The following UROC1 variants were observed in gnomAD, a reference collection of about 807,000 sequenced individuals.
UROC1 encodes the protein urocanate hydratase 1.
UROC1 carries 79 observed loss-of-function variants against 89.5 expected under a neutral mutation model. The observed-to-expected ratio is 0.88, with a 90% confidence interval of 0.74 to 1.06. The LOEUF is 1.06. Ranked by LOEUF, UROC1 falls within the 50% of genes least tolerant of loss-of-function variation. The pLI, the probability that UROC1 is intolerant of heterozygous loss-of-function variation, is 0.00. For missense variants in UROC1, 885 were observed against 907.8 expected (o/e 0.97, Z 0.32); for synonymous variants, 361 against 354.8 (o/e 1.02, Z -0.20).
chr3:126,488,055 C>T (rs1162068446), intron 18 of UROC1, 143 bp downstream of exon 18: 2 of 915,770 alleles, frequency 2.2e-6, no homozygotes, highest in Non-Finnish European at 3.6e-6. Context: ...ACGCAAGGAA[C>T]ACATTTTCCA....
intron 9 of UROC1, among the ~76,000 whole-genome samples, chr3:126,502,183 G>C (rs1326443348): frequency 6.6e-6 from 1 of 152,028 alleles, no homozygotes; most frequent in Non-Finnish European, 1.5e-5. Flanking sequence ...GGGCATGTGC[G>C]TGTGTGTGTT....
Position 126,498,147 on chromosome 3 carries a change from G to T in UROC1, c.1342C>A (p.Pro448Thr), listed in dbSNP as rs748121358. 6.9e-5 allele frequency: 111 copies of T among 1,614,094 alleles called. No individual in the cohort carries two copies. Among genetic ancestry groups the T allele is most frequent in the Non-Finnish European group, 9.3e-5 (110 of 1,180,042 alleles). The change falls in exon 14 of 20, where the codon CCT (proline) becomes ACT (threonine). Residue 448 changes from proline to threonine, a missense_variant. Physicochemically the swap from Pro to Thr is conservative, Grantham distance 38 (BLOSUM62 -1). Transcript: ENST00000290868. ...CCCGATGTGCACACCCAGCGGAAAGGCCCAAATCCCTGGGAGAATATGTCC... is the reference window on the plus strand; with the variant it reads ...CCCGATGTGCACACCCAGCGGAAAGTCCCAAATCCCTGGGAGAATATGTCC... ...MGDIFSQGFGPFRWVCTSGDP... is the reference protein window; with the variant it reads ...MGDIFSQGFGTFRWVCTSGDP...
intron 6 of UROC1, among the ~76,000 whole-genome samples, chr3:126,507,460 G>A (rs1231060934): frequency 6.6e-6 from 1 of 152,084 alleles, no homozygotes; most frequent in African/African-American, 2.4e-5. Flanking sequence ...AAATTCGGTG[G>A]TATTCACTGT....
rs146718257 is a variant in UROC1 at position 126,488,635 on chromosome 3, G to A, written c.1709-356C>T. Among the ~76,000 whole-genome samples, 347 of 152,344 alleles carry A rather than the reference G, an allele frequency of 2.3e-3. 1 individual carries two copies. The highest frequency in any genetic ancestry group is 6.4e-3 in the African/African-American group (265 of 41,586). The stretch of plus-strand genomic sequence containing the variant: ...GTCACTCATATTCTTAAAAAGGGGG[G>A]CAGAGGAGCAAACTGCAAATAATAG... On this transcript the variant is annotated intron_variant, in intron 17 of 19. Coordinates refer to ENST00000290868, the MANE Select transcript of UROC1 (RefSeq NM_144639.3).
chr3:126,496,230 G>A (rs1336977539), intron 14 of UROC1, 122 bp from the exon 15 acceptor site: 7 of 974,974 alleles, frequency 7.2e-6, no homozygotes, highest in Non-Finnish European at 1.1e-5. Flanking sequence ...GACACAAGGT[G>A]AGGGAGCCCA....
rs1297724011 is a variant in UROC1 at position 126,509,709 on chromosome 3, C to G, written c.258-31G>C. The G allele has an allele frequency of 1.7e-5, 26 of 1,544,586 alleles. No individual in the cohort carries two copies. In the South Asian group the frequency reaches 2.9e-4, roughly 17 times the overall value. On this transcript the variant is annotated intron_variant, in intron 2 of 19. Coordinates refer to ENST00000290868, the MANE Select transcript of UROC1 (RefSeq NM_144639.3). ...AGGGAAAGCCCAACCACCAGGCTGC[C>G]CTTCCCGCCAAAGCACAGCATCTAG...
At chr3:126,487,583 C>T (rs1198568471) in intron 18 of UROC1, among the ~76,000 whole-genome samples, 2 of 152,190 alleles carry the variant, frequency 1.3e-5, no homozygotes, top group African/African-American at 4.8e-5. Flanking sequence ...TGGAGCCAGG[C>T]AGGGGGCGTT....
intron 9 of UROC1, among the ~76,000 whole-genome samples, chr3:126,502,419 G>A (rs1443208993): frequency 6.6e-6 from 1 of 151,722 alleles, no homozygotes; most frequent in Non-Finnish European, 1.5e-5. Context: ...ATGTATGTGT[G>A]TTATGTGTTT....
chr3:126,484,817 A>G (rs568455096), intron 18 of UROC1, among the ~76,000 whole-genome samples: 2 of 152,258 alleles, frequency 1.3e-5, no homozygotes, highest in African/African-American at 4.8e-5. Context: ...CTCCAAGTCG[A>G]TCTAAGGTCA....
Position 126,510,758 on chromosome 3 carries a change from C to A in UROC1, c.163G>T (p.Asp55Tyr). 3.7e-6 allele frequency: 6 copies of A among 1,614,054 alleles called. No individual in the cohort carries two copies. Among genetic ancestry groups the A allele is most frequent in the Non-Finnish European group, 4.2e-6 (5 of 1,180,048 alleles). Reference sequence around the variant, plus strand: ...TCTGGGGCCAGCAGCTCCTGGACATCCGGGGGGAAGTAGCGCAGGGCGTTC... The same window carrying A: ...TCTGGGGCCAGCAGCTCCTGGACATACGGGGGGAAGTAGCGCAGGGCGTTC... ...LRNALRYFPP[D>Y]VQELLAPEFA... Residue 55 changes from aspartate to tyrosine, a missense_variant, in exon 2 of 20, where the codon GAT becomes TAT. By Grantham distance (160) the Asp-to-Tyr change is radical. Transcript: ENST00000290868.
At chr3:126,510,625 C>G in intron 2 of UROC1, 39 bp downstream of exon 2, 2 of 1,610,546 alleles carry the variant, frequency 1.2e-6, no homozygotes, top group African/African-American at 1.3e-5. Flanking sequence ...GAGCTGCCTG[C>G]CCCTCGGGTC....
chr3:126,512,866 T>C (rs1231949348), intron 1 of UROC1, among the ~76,000 whole-genome samples: 3 of 152,236 alleles, frequency 2.0e-5, no homozygotes, highest in Non-Finnish European at 4.4e-5. Flanking sequence ...TCAACATCAC[T>C]ACACTTGCAC....
At position 126,501,903 on chromosome 3, in the gene UROC1, G is replaced by A. The variant is rs1375847517; in HGVS notation, c.903-623C>T. 1.9e-6 allele frequency: 3 copies of A among 1,599,308 alleles called. No individual in the cohort carries two copies. The Admixed American group carries it at 5.0e-5, about 27-fold the overall frequency. On this transcript the variant is annotated intron_variant, in intron 9 of 19. Transcript: ENST00000290868. ...GGACACACAGTCCCAGGGCAGCAGG[G>A]AGGCCGGCCCAGCCCAGGGCTTGTT... is the stretch of plus-strand genomic sequence containing the variant.
intron 17 of UROC1, among the ~76,000 whole-genome samples, 184 bp from the exon 18 acceptor site, chr3:126,488,463 G>T (rs1312441742): frequency 1.3e-5 from 2 of 152,240 alleles, no homozygotes; most frequent in African/African-American, 4.8e-5. Flanking sequence ...GAGCTAGAGT[G>T]GGAGAAACTG....
rs1936050385 is a variant in UROC1, at chr3:126,506,025, G to A, written c.603-14C>T. 1 of 1,613,338 alleles carries A rather than the reference G, an allele frequency of 6.2e-7. No homozygotes were observed. Among genetic ancestry groups the A allele is most frequent in the African/African-American group, 1.3e-5 (1 of 75,054 alleles). On this transcript the variant is annotated splice_polypyrimidine_tract_variant and intron_variant, in intron 6 of 19. Coordinates refer to ENST00000290868, the MANE Select transcript of UROC1 (RefSeq NM_144639.3). ...ATCTGGCCGTACCTGACCACAGGGA[G>A]AGAAGCCAAGCCCAGGGCTCAGCCA...
At chr3:126,502,182 CGT>C (rs980088773) in intron 9 of UROC1, among the ~76,000 whole-genome samples, 2 of 151,278 alleles carry the variant, frequency 1.3e-5, no homozygotes, top group African/African-American at 2.4e-5. Flanking sequence ...TGGGCATGTG[CGT>C]GTGTGTGTTG....
At chr3:126,511,760 G>A (rs1052922547) in intron 1 of UROC1, among the ~76,000 whole-genome samples, 4 of 152,216 alleles carry the variant, frequency 2.6e-5, no homozygotes, top group African/African-American at 9.6e-5. Context: ...GGAGATTCTG[G>A]CAATTTTTCC....
chr3:126,511,792 A>G (rs1936201469), intron 1 of UROC1, among the ~76,000 whole-genome samples: 1 of 152,208 alleles, frequency 6.6e-6, no homozygotes, highest in African/African-American at 2.4e-5. Flanking sequence ...ACAGCCCCAA[A>G]GCTCTGTCTG....
At position 126,512,196 on chromosome 3, in the gene UROC1, G is replaced by A. The variant is rs566287781; in HGVS notation, c.127-1402C>T. On this transcript the variant is annotated intron_variant, in intron 1 of 19. Coordinates refer to ENST00000290868, the MANE Select transcript of UROC1 (RefSeq NM_144639.3). ...TGTGACCTGCCAAGGCCCTGCAACA[G>A]GACTGTGGGTGGCCTGGAGGGAGGC... Among the ~76,000 whole-genome samples the A allele has an allele frequency of 3.3e-3, 503 of 152,356 alleles. 2 individuals are homozygous for A. Among genetic ancestry groups the A allele is most frequent in the Non-Finnish European group, 4.5e-3 (303 of 68,034 alleles).
Sources: gnomAD v4.1 joint callset for allele counts (sites outside exome capture counted in the v4.1 genomes callset) on GRCh38, gnomAD v4.1.1 for gene constraint, MANE v1.5 for transcripts, NCBI Gene and HGNC (gene_info 2026-07-23, HGNC 2026-07-21) for gene names.